Variants in LINGO2 observed in about 807,000 individuals in gnomAD.
LINGO2 encodes the protein leucine-rich repeat and immunoglobulin-like domain-containing nogo receptor-interacting protein 2.
Under a neutral mutation model 30.6 loss-of-function variants are expected in LINGO2, and 14 were observed. The ratio of observed to expected loss-of-function variants is 0.46; its 90% CI spans 0.30 to 0.72. The LOEUF is 0.72. LINGO2 is among the 30% of genes least tolerant of loss of function. LINGO2 has a pLI of 0.07. For synonymous variants in LINGO2, 317 were observed against 288.5 expected (o/e 1.10, Z -1.00); for missense variants, 729 against 751.7 (o/e 0.97, Z 0.35).
chr9:29,023,970 A>T, the LINGO2 span, among the ~76,000 whole-genome samples: 1 of 152,086 alleles, frequency 6.6e-6, no homozygotes, highest in African/African-American at 2.4e-5. Context: ...GTGTTCAGAG[A>T]AATACAAATA....
At chr9:28,492,324 C>A (rs1380987667) in intron 1 of LINGO2, among the ~76,000 whole-genome samples, 2 of 152,082 alleles carry the variant, frequency 1.3e-5, no homozygotes, top group Admixed American at 6.6e-5. Context: ...ACAAATAAAG[C>A]ATTGAGAACA....
At chr9:28,830,223 T>C in the LINGO2 span, among the ~76,000 whole-genome samples, 1 of 152,150 alleles carries the variant, frequency 6.6e-6, no homozygotes, top group Non-Finnish European at 1.5e-5. Context: ...AGAAAAATGC[T>C]TGCTTCTTGG....
At chr9:28,118,544 G>A (rs900931982) in intron 4 of LINGO2, among the ~76,000 whole-genome samples, 3 of 152,114 alleles carry the variant, frequency 2.0e-5, no homozygotes, top group Admixed American at 1.3e-4. Flanking sequence ...GTGCATATGA[G>A]GAATGAGAAA....
the LINGO2 span, among the ~76,000 whole-genome samples, chr9:29,101,937 T>C: frequency 1.3e-5 from 2 of 152,266 alleles, no homozygotes; most frequent in East Asian, 3.9e-4. Context: ...CCTGGATATA[T>C]TAAAAGCTGA....
intron 1 of LINGO2, among the ~76,000 whole-genome samples, chr9:28,583,669 G>A (rs1824382467): frequency 6.6e-6 from 1 of 151,890 alleles, no homozygotes; most frequent in Admixed American, 6.6e-5. Flanking sequence ...TTATCTGAAG[G>A]TACAAACAAT....
chr9:28,471,255 T>C (rs1825507109), intron 2 of LINGO2, among the ~76,000 whole-genome samples: 1 of 152,208 alleles, frequency 6.6e-6, no homozygotes, highest in Non-Finnish European at 1.5e-5. Context: ...AAGTGCATAC[T>C]AGCAGTTTCT....
intron 1 of LINGO2, among the ~76,000 whole-genome samples, chr9:28,507,064 G>A (rs183760925): frequency 6.6e-6 from 1 of 152,176 alleles, no homozygotes; most frequent in Non-Finnish European, 1.5e-5. Context: ...AAATTCTTGA[G>A]CATCAAGGTC....
intron 3 of LINGO2, among the ~76,000 whole-genome samples, chr9:28,307,018 CA>C (rs1824392457): frequency 6.6e-6 from 1 of 152,060 alleles, no homozygotes; most frequent in Non-Finnish European, 1.5e-5. Context: ...GAACTGGTAC[CA>C]TTCCTTCTGA....
intron 4 of LINGO2, among the ~76,000 whole-genome samples, chr9:28,231,354 AACTTTT>A (rs1402784192): frequency 6.6e-6 from 1 of 152,028 alleles, no homozygotes; most frequent in Non-Finnish European, 1.5e-5. Flanking sequence ...AGTATATTTA[AACTTTT>A]ACTTTTAGAA....
chr9:28,208,124 A>G (rs1820472320), intron 4 of LINGO2, among the ~76,000 whole-genome samples: 1 of 152,164 alleles, frequency 6.6e-6, no homozygotes, highest in African/African-American at 2.4e-5. Context: ...CAGAATGCAT[A>G]CAGTTTTTCC....
At chr9:29,043,904 T>A in the LINGO2 span, among the ~76,000 whole-genome samples, 1 of 152,056 alleles carries the variant, frequency 6.6e-6, no homozygotes, top group Non-Finnish European at 1.5e-5. Context: ...TCATAAATAA[T>A]GCAAGAAACC....
chr9:28,277,940 C>G (rs1055504944), intron 4 of LINGO2, among the ~76,000 whole-genome samples: 4 of 150,366 alleles, frequency 2.7e-5, no homozygotes, highest in African/African-American at 9.8e-5. Context: ...CTTAACCAAA[C>G]AGTTAGCCAA....
intron 3 of LINGO2, among the ~76,000 whole-genome samples, chr9:28,340,717 A>G (rs1673638326): frequency 6.6e-6 from 1 of 152,112 alleles, no homozygotes; most frequent in African/African-American, 2.4e-5. Context: ...CCAGGAAAAA[A>G]TACTTCATGG....
the LINGO2 span, among the ~76,000 whole-genome samples, chr9:29,051,079 C>T: frequency 4.6e-5 from 7 of 152,088 alleles, no homozygotes; most frequent in Non-Finnish European, 7.4e-5. Context: ...CTCCCTGCTC[C>T]AAGCAATATA....
chr9:28,487,672 G>A (rs1826225040), intron 1 of LINGO2, among the ~76,000 whole-genome samples: 1 of 152,092 alleles, frequency 6.6e-6, no homozygotes, highest in African/African-American at 2.4e-5. Context: ...ATAAACAGCA[G>A]CATAAATCTT....
At chr9:28,308,180 A>T (rs1824449884) in intron 3 of LINGO2, among the ~76,000 whole-genome samples, 1 of 128,408 alleles carries the variant, frequency 7.8e-6, no homozygotes, top group Admixed American at 7.9e-5. Flanking sequence ...ACTTCAAAGT[A>T]TACTACAAGG....
chr9:28,005,835 C>T (rs1169394432), intron 5 of LINGO2, among the ~76,000 whole-genome samples: 5 of 151,968 alleles, frequency 3.3e-5, no homozygotes. Context: ...CATAAGAAAG[C>T]ATCCAAAAAT....
At chr9:27,950,674 C>A in exon 6 of LINGO2, 1 of 1,504,990 alleles carries the variant, frequency 6.6e-7, no homozygotes, top group Non-Finnish European at 8.9e-7. Context: ...TGAAGCATGA[C>A]TCCACTTCTT....
the LINGO2 span, among the ~76,000 whole-genome samples, chr9:28,969,109 G>C: frequency 6.6e-6 from 1 of 151,874 alleles, no homozygotes; most frequent in Admixed American, 6.6e-5. Flanking sequence ...ATTTTACTGG[G>C]GTTATAGATA....
Sources: allele counts gnomAD v4.1 joint callset (sites outside exome capture counted in the v4.1 genomes callset), GRCh38; gene constraint gnomAD v4.1.1; transcripts MANE v1.5; gene names NCBI Gene and HGNC (gene_info 2026-07-23, HGNC 2026-07-21).